F9: variants seen among roughly 807,000 people sequenced by gnomAD.
F9 encodes coagulation factor IX.
In F9, 2 loss-of-function variants were observed where a neutral mutation model predicts 34.1. That is an observed-to-expected ratio of 0.06 (90% CI 0.02 to 0.18). The LOEUF (loss-of-function observed/expected upper bound fraction) is 0.18. Among genes scored for constraint, F9 ranks in the 10% least tolerant of loss-of-function variants. The pLI is 1.00. For missense variants in F9, 216 were observed against 345.1 expected, an observed-to-expected ratio of 0.63 and a Z score of 2.96; for synonymous variants, 137 against 118.8, an observed-to-expected ratio of 1.15 and a Z score of -1.00.
Position 139,563,215 on chromosome X carries a change from T to C in F9, c.*1144T>C, listed in dbSNP as rs1219779213. 1 of 110,652 alleles carries C rather than the reference T, an allele frequency of 9.0e-6. No individual in the cohort carries two copies. Among genetic ancestry groups the C allele is most frequent in the Non-Finnish European group, 1.9e-5 (1 of 52,955 alleles). 9.1% of individuals were successfully genotyped at this position (110,652 alleles called of 1,213,427 possible). On this transcript the variant is annotated 3_prime_UTR_variant, in exon 8 of 8. Transcript: ENST00000218099. ...AGCCAAGCAAGAAGTTGAAGTTGCC[T>C]AGACCAGAGGACATAAGTATCATGT...
chrX:139,544,360 T>C (rs1603265057), intron 4 of F9, among the ~76,000 whole-genome samples: 1 of 110,122 alleles, frequency 9.1e-6, no homozygotes, highest in African/African-American at 3.3e-5. Context: ...TTTAATTAAT[T>C]AATTAATTAA....
chrX:139,552,999 T>C (rs971218698), intron 6 of F9, among the ~76,000 whole-genome samples: 2 of 112,380 alleles, frequency 1.8e-5, no homozygotes, highest in African/African-American at 6.5e-5. Context: ...TGTAAGGTAT[T>C]ACACATATAC....
intron 6 of F9, among the ~76,000 whole-genome samples, chrX:139,556,125 T>C (rs1927963166): frequency 1.8e-5 from 2 of 111,148 alleles, no homozygotes; most frequent in African/African-American, 6.6e-5. Flanking sequence ...GTTCGGTGTG[T>C]GGCGTATTTA....
At chrX:139,547,028 C>T (rs1331220772) in intron 4 of F9, among the ~76,000 whole-genome samples, 2 of 111,139 alleles carry the variant, frequency 1.8e-5, no homozygotes, top group African/African-American at 3.3e-5. Context: ...GAAGAATAAA[C>T]TTGTACTACT....
intron 4 of F9, among the ~76,000 whole-genome samples, chrX:139,541,886 G>A (rs1250831860): frequency 2.7e-5 from 3 of 111,542 alleles, no homozygotes; most frequent in African/African-American, 9.8e-5. Flanking sequence ...TCAGTAATTG[G>A]AGCAGTAAAC....
rs760739386 is a variant in F9 at position 139,551,307 on chromosome X, C to A, written c.723+43C>A. 4.6e-6 allele frequency: 5 copies of A among 1,095,479 alleles called. No homozygotes were observed. The African/African-American group carries it at 7.3e-5, about 16-fold the overall frequency. The allele number at this position is 1,095,479 out of a possible 1,213,427, so 90.3% of individuals were successfully genotyped here. A position where few individuals can be genotyped will look rare whatever the true frequency, so the allele number is the denominator to read the frequency against. ...TGTGTCAAAACTGGAGCTCAGCTGGCAAGACACAGGCCAGGTGGGAGACTG... is the reference window on the plus strand; with the variant it reads ...TGTGTCAAAACTGGAGCTCAGCTGGAAAGACACAGGCCAGGTGGGAGACTG... On this transcript the variant is annotated intron_variant, in intron 6 of 7. Transcript: ENST00000218099.
chrX:139,534,714 G>A (rs561239413), intron 1 of F9, among the ~76,000 whole-genome samples: 4 of 111,757 alleles, frequency 3.6e-5, no homozygotes, highest in Non-Finnish European at 5.6e-5. Flanking sequence ...TTTTTATATC[G>A]GAGACTTGAG....
intron 6 of F9, among the ~76,000 whole-genome samples, chrX:139,554,834 A>G (rs1274665874): frequency 8.9e-6 from 1 of 112,810 alleles, no homozygotes; most frequent in African/African-American, 3.2e-5. Context: ...TGTTTCTTTT[A>G]TCTTTCAAAT....
In F9 at chrX:139,551,161, C is replaced by A; in HGVS notation, c.620C>A (p.Ala207Asp). ...GTGGACTATGTAAATTCTACTGAAG[C>A]TGAAACCATTTTGGATAACATCACT... ...PDVDYVNSTE[A>D]ETILDNITQS... is the part of the protein sequence containing the mutation. The change falls in exon 6 of 8, where the codon GCT becomes GAT. Residue 207 changes from alanine (A) to aspartate (D), a missense_variant. Coordinates refer to ENST00000218099, the MANE Select transcript of F9 (RefSeq NM_000133.4). 2 of 1,210,737 alleles carry A rather than the reference C, an allele frequency of 1.7e-6. No homozygotes were observed. Among genetic ancestry groups the A allele is most frequent in the Non-Finnish European group, 2.2e-6 (2 of 894,590 alleles).
intron 1 of F9, among the ~76,000 whole-genome samples, chrX:139,536,095 A>T (rs1243378866): frequency 9.2e-6 from 1 of 108,312 alleles, no homozygotes; most frequent in Non-Finnish European, 1.9e-5. Context: ...CCAAAATGTC[A>T]TTGTGCAGCA....
rs1467826932 is a variant in F9 at position 139,560,726 on chromosome X, A to C, written c.724-15A>C. 2 of 1,115,245 alleles carry C rather than the reference A, an allele frequency of 1.8e-6. No individual in the cohort carries two copies. The highest frequency in any genetic ancestry group is 3.6e-5 in the South Asian group (2 of 54,851). 91.9% of individuals were successfully genotyped at this position (1,115,245 alleles called of 1,213,427 possible). A position where few individuals can be genotyped will look rare whatever the true frequency, so the allele number is the denominator to read the frequency against. On this transcript the variant is annotated splice_polypyrimidine_tract_variant and intron_variant, in intron 6 of 7. Transcript: ENST00000218099. Reference sequence around the variant, plus strand: ...AATGTATTATGCAGTAAGAGTCTTAATTTTGTTTTCACAGGTTGTTTTGAA... The same window carrying C: ...AATGTATTATGCAGTAAGAGTCTTACTTTTGTTTTCACAGGTTGTTTTGAA...
intron 6 of F9, among the ~76,000 whole-genome samples, chrX:139,556,363 C>T (rs760450739): frequency 2.4e-4 from 27 of 111,783 alleles, no homozygotes; most frequent in Non-Finnish European, 4.3e-4. Flanking sequence ...CCCCAGTCTC[C>T]ATCCACTTTC....
At position 139,557,748 on chromosome X, in the gene F9, T is replaced by C. The variant is rs746877298; in HGVS notation, c.724-2993T>C. On this transcript the variant is annotated intron_variant, in intron 6 of 7. Coordinates refer to ENST00000218099, the MANE Select transcript of F9 (RefSeq NM_000133.4). Reference sequence around the variant, plus strand: ...AAGTTTTATTGATGCTGACAATCAATTGGAGTTACAGCCAGACACATGGTC... The same window carrying C: ...AAGTTTTATTGATGCTGACAATCAACTGGAGTTACAGCCAGACACATGGTC... 7.1e-5 allele frequency among the ~76,000 whole-genome samples: 8 copies of C among 113,024 alleles called. No homozygotes were observed. In the East Asian group the frequency reaches 8.3e-4, roughly 12 times the overall value.
At chrX:139,541,442 A>C (rs984914517) in intron 4 of F9, among the ~76,000 whole-genome samples, 4 of 111,900 alleles carry the variant, frequency 3.6e-5, no homozygotes, top group African/African-American at 1.3e-4. Context: ...ATACAACCGT[A>C]TGTGGTTAGT....
intron 1 of F9, among the ~76,000 whole-genome samples, chrX:139,532,400 A>G (rs1232380658): frequency 8.9e-6 from 1 of 111,987 alleles, no homozygotes; most frequent in East Asian, 2.8e-4. Flanking sequence ...TTTAGGTATT[A>G]TTGCAACAGT....
intron 3 of F9, among the ~76,000 whole-genome samples, chrX:139,540,455 C>T (rs191540250): frequency 2.2e-4 from 25 of 111,737 alleles, no homozygotes; most frequent in Admixed American, 2.0e-3. Flanking sequence ...CATTTGAAAC[C>T]GAATTTGTAA....
At chrX:139,533,488 T>G (rs993766764) in intron 1 of F9, among the ~76,000 whole-genome samples, 5 of 112,543 alleles carry the variant, frequency 4.4e-5, no homozygotes, top group African/African-American at 1.6e-4. Flanking sequence ...TAGCTATTAC[T>G]GGCTACATTA....
rs2148362449 is a variant in F9, at chrX:139,551,120, G to A, written c.579G>A (p.Glu193=). 1.7e-6 allele frequency: 2 copies of A among 1,211,554 alleles called. No homozygotes were observed. The highest frequency in any genetic ancestry group is 2.2e-6 in the Non-Finnish European group (2 of 895,198). The change falls in exon 6 of 8, where the codon GAG becomes GAA. Residue 193 remains glutamate, a synonymous_variant. Transcript: ENST00000218099. ...AAACTTCTAAGCTCACCCGTGCTGA[G>A]ACTGTTTTTCCTGATGTGGACTATG... ...VSQTSKLTRA[E]TVFPDVDYVN...
chrX:139,545,321 C>T (rs1002838025), intron 4 of F9, among the ~76,000 whole-genome samples: 1 of 111,639 alleles, frequency 9.0e-6, no homozygotes, highest in Non-Finnish European at 1.9e-5. Context: ...AAGAGCAGAG[C>T]CTGTTTTTCT....
Sources: allele counts gnomAD v4.1 joint callset (sites outside exome capture counted in the v4.1 genomes callset), GRCh38; gene constraint gnomAD v4.1.1; transcripts MANE v1.5; gene names NCBI Gene and HGNC (gene_info 2026-07-23, HGNC 2026-07-21).